The following ATXN7L1 variants were observed in gnomAD, a reference collection of about 807,000 sequenced individuals.
ATXN7L1 encodes ataxin 7 like 1, also known as ataxin-7-like protein 1.
ATXN7L1 carries 15 observed loss-of-function variants against 70.8 expected under a neutral mutation model. That is an observed-to-expected ratio of 0.21 (90% CI 0.14 to 0.33). The LOEUF is 0.33. Among genes scored for constraint, ATXN7L1 ranks in the 10% least tolerant of loss-of-function variants. ATXN7L1 has a pLI of 1.00. For missense variants in ATXN7L1, 975 were observed against 1,097.1 expected (o/e 0.89, Z 1.57); for synonymous variants, 440 against 445.1 (o/e 0.99, Z 0.14).
chr7:105,748,952 G>A (rs1347929354), intron 3 of ATXN7L1, among the ~76,000 whole-genome samples: 2 of 152,192 alleles, frequency 1.3e-5, no homozygotes, highest in Non-Finnish European at 2.9e-5. Context: ...CTGCTGGGGA[G>A]GAATGTGAGG....
At chr7:105,714,237 T>C (rs1768091748) in intron 3 of ATXN7L1, among the ~76,000 whole-genome samples, 1 of 152,154 alleles carries the variant, frequency 6.6e-6, no homozygotes, top group Non-Finnish European at 1.5e-5. Flanking sequence ...TCATTCTCGA[T>C]TGCCACCCCT....
At chr7:105,679,520 A>C (rs528360595) in intron 3 of ATXN7L1, among the ~76,000 whole-genome samples, 32 of 152,164 alleles carry the variant, frequency 2.1e-4, no homozygotes, top group African/African-American at 7.7e-4. Context: ...TATGCCTTAG[A>C]GAGAGTAGAG....
At chr7:105,653,232 G>T (rs1320588904) in intron 4 of ATXN7L1, among the ~76,000 whole-genome samples, 1 of 152,168 alleles carries the variant, frequency 6.6e-6, no homozygotes, top group African/African-American at 2.4e-5. Context: ...TGGATCACTT[G>T]AGGTCAGGAG....
intron 2 of ATXN7L1, among the ~76,000 whole-genome samples, chr7:105,857,160 G>A (rs1197038274): frequency 6.6e-6 from 1 of 152,136 alleles, no homozygotes; most frequent in East Asian, 1.9e-4. Context: ...TCTGCACGAG[G>A]TGTCCATTCA....
At chr7:105,727,007 T>C (rs1330512796) in intron 3 of ATXN7L1, among the ~76,000 whole-genome samples, 1 of 152,256 alleles carries the variant, frequency 6.6e-6, no homozygotes, top group Non-Finnish European at 1.5e-5. Flanking sequence ...GTATTCACTA[T>C]TCTCTAGAAA....
intron 2 of ATXN7L1, among the ~76,000 whole-genome samples, chr7:105,824,178 C>A (rs1363985319): frequency 1.3e-5 from 2 of 152,172 alleles, no homozygotes; most frequent in African/African-American, 4.8e-5. Context: ...AAGAAAATGC[C>A]TCCATATGCT....
At chr7:105,616,772 C>T (rs1357490444) in intron 9 of ATXN7L1, among the ~76,000 whole-genome samples, 1 of 152,202 alleles carries the variant, frequency 6.6e-6, no homozygotes, top group East Asian at 1.9e-4. Flanking sequence ...TGCACAACCC[C>T]TTCCTAACAG....
intron 11 of ATXN7L1, 66 bp downstream of exon 11, chr7:105,610,463 C>G (rs764091551): frequency 7.3e-5 from 102 of 1,396,962 alleles, no homozygotes; most frequent in Non-Finnish European, 9.2e-5. Context: ...CCCCAGTGTC[C>G]AAACTCTTTC....
chr7:105,787,293 T>C (rs996696552), intron 3 of ATXN7L1, among the ~76,000 whole-genome samples: 2 of 152,148 alleles, frequency 1.3e-5, no homozygotes, highest in South Asian at 2.1e-4. Flanking sequence ...ATCAAGCAAG[T>C]AGCCCGAGGA....
In ATXN7L1 at chr7:105,807,689, C is replaced by T. The variant is rs114344010; in HGVS notation, c.251-18981G>A. Among the ~76,000 whole-genome samples the T allele has an allele frequency of 2.9e-3, 441 of 152,308 alleles. 2 individuals are homozygous for T. The highest frequency in any genetic ancestry group is 9.8e-3 in the African/African-American group (409 of 41,566). The stretch of plus-strand genomic sequence containing the variant: ...CCTTGGAACCCTCATGTGGAAAGCC[C>T]GGGCTGGGCTGCAGTAGCATGGACG... On this transcript the variant is annotated intron_variant, in intron 2 of 11. Transcript: ENST00000419735.
intron 3 of ATXN7L1, among the ~76,000 whole-genome samples, chr7:105,747,557 G>A (rs923234198): frequency 1.3e-5 from 2 of 152,140 alleles, no homozygotes; most frequent in African/African-American, 2.4e-5. Flanking sequence ...AGTTCTGTGA[G>A]CCACTCTGGC....
intron 7 of ATXN7L1, among the ~76,000 whole-genome samples, chr7:105,627,791 C>T (rs1045027623): frequency 6.8e-6 from 1 of 148,056 alleles, no homozygotes; most frequent in Non-Finnish European, 1.5e-5. Flanking sequence ...CTCCACCTTC[C>T]AAAGTGGTGG....
intron 7 of ATXN7L1, among the ~76,000 whole-genome samples, chr7:105,631,760 C>A (rs567739556): frequency 1.7e-4 from 26 of 152,350 alleles, no homozygotes; most frequent in African/African-American, 5.3e-4. Flanking sequence ...AGCCATTGCA[C>A]CTGGCCAATG....
intron 3 of ATXN7L1, among the ~76,000 whole-genome samples, chr7:105,669,122 G>T (rs549326866): frequency 4.9e-4 from 74 of 152,188 alleles, no homozygotes; most frequent in African/African-American, 1.7e-3. Flanking sequence ...TCGCTCTGTT[G>T]TCCAGGCTAG....
chr7:105,634,898 A>T (rs1797136483), intron 7 of ATXN7L1, among the ~76,000 whole-genome samples: 1 of 151,784 alleles, frequency 6.6e-6, no homozygotes, highest in Non-Finnish European at 1.5e-5. Context: ...TGGGCAACAT[A>T]GTGAGACTCT....
intron 3 of ATXN7L1, among the ~76,000 whole-genome samples, chr7:105,723,621 T>C (rs933812209): frequency 6.6e-6 from 1 of 152,282 alleles, no homozygotes; most frequent in South Asian, 2.1e-4. Context: ...ACCCTGCTCC[T>C]GGCCCCTGTA....
rs138023555 is a variant in ATXN7L1 at position 105,730,341 on chromosome 7, A to G, written c.355+58263T>C. Among the ~76,000 whole-genome samples the G allele has an allele frequency of 6.0e-3, 920 of 152,296 alleles. 7 individuals carry two copies. The highest frequency in any genetic ancestry group is 9.5e-3 in the Non-Finnish European group (644 of 68,022). On this transcript the variant is annotated intron_variant, in intron 3 of 11. Coordinates refer to ENST00000419735, the MANE Select transcript of ATXN7L1 (RefSeq NM_020725.2). ...GAAAACACATCAGGCAAATATCAAC[A>G]GAAGGGTATCCTATAATAGGCCTGA...
intron 3 of ATXN7L1, among the ~76,000 whole-genome samples, chr7:105,786,453 A>G (rs572500324): frequency 5.4e-4 from 83 of 152,298 alleles, no homozygotes; most frequent in African/African-American, 1.9e-3. Context: ...GGTCCCTTTC[A>G]GGATCCTTCC....
chr7:105,700,717 C>G (rs1481951225), intron 3 of ATXN7L1, among the ~76,000 whole-genome samples: 3 of 151,968 alleles, frequency 2.0e-5, no homozygotes, highest in Non-Finnish European at 4.4e-5. Context: ...GGGTCTGGCT[C>G]TATCACCCAG....
Sources: allele counts gnomAD v4.1 joint callset (sites outside exome capture counted in the v4.1 genomes callset), GRCh38; gene constraint gnomAD v4.1.1; transcripts MANE v1.5; gene names NCBI Gene and HGNC (gene_info 2026-07-23, HGNC 2026-07-21).